The following CEP350 variants were observed in gnomAD, a reference collection of about 807,000 sequenced individuals.
CEP350 encodes the protein centrosomal protein 350.
CEP350 carries 126 observed loss-of-function variants against 331.8 expected under a neutral mutation model. The ratio of observed to expected loss-of-function variants is 0.38; its 90% CI spans 0.33 to 0.44. The LOEUF is 0.44. Ranked by LOEUF, CEP350 falls within the 20% of genes least tolerant of loss-of-function variation. The pLI is 1.00. For missense variants in CEP350, 3,406 were observed against 3,634.6 expected (o/e 0.94, Z 1.62); for synonymous variants, 1,200 against 1,259.5 (o/e 0.95, Z 1.00).
At position 180,114,462 on chromosome 1, in the gene CEP350, C is replaced by A. The variant is rs1339282906; in HGVS notation, c.*3301C>A. ...GTTGTGCAGCAATTCAATAAAATAT[C>A]TTTGTATTATAAAAATGTGAAGAAA... On this transcript the variant is annotated 3_prime_UTR_variant, in exon 38 of 38. Transcript: ENST00000367607. 6.6e-6 allele frequency: 1 copy of A among 152,548 alleles called. No homozygotes were observed. Among genetic ancestry groups the A allele is most frequent in the Non-Finnish European group, 1.5e-5 (1 of 68,018 alleles). 9.4% of individuals were successfully genotyped at this position (152,548 alleles called of 1,614,324 possible). A position where few individuals can be genotyped will look rare whatever the true frequency, so the allele number is the denominator to read the frequency against.
intron 6 of CEP350, chr1:180,000,900 A>T (rs1488326839): frequency 6.6e-6 from 1 of 152,122 alleles, no homozygotes; most frequent in Non-Finnish European, 1.5e-5. Flanking sequence ...ATGTTTATAA[A>T]TTTTTTCCCT....
intron 1 of CEP350, among the ~76,000 whole-genome samples, chr1:179,959,994 C>G (rs1650467097): frequency 1.3e-5 from 2 of 152,024 alleles, no homozygotes; most frequent in South Asian, 4.1e-4. Flanking sequence ...TTCTAAGACC[C>G]CAAACACCTC....
intron 1 of CEP350, among the ~76,000 whole-genome samples, chr1:179,974,475 G>A (rs916420124): frequency 2.0e-5 from 3 of 151,732 alleles, no homozygotes; most frequent in Non-Finnish European, 4.4e-5. Context: ...AGATGGGTAA[G>A]AAGATACAGT....
intron 22 of CEP350, among the ~76,000 whole-genome samples, chr1:180,052,582 TA>T (rs1257162263): frequency 6.6e-6 from 1 of 150,900 alleles, no homozygotes. Flanking sequence ...TTTAAAAAGA[TA>T]TTTTTACTTC....
At chr1:179,992,603 T>C (rs1653174985) in intron 5 of CEP350, among the ~76,000 whole-genome samples, 2 of 152,288 alleles carry the variant, frequency 1.3e-5, no homozygotes, top group East Asian at 1.9e-4. Flanking sequence ...CTTACTTTTT[T>C]TCTTTTTTTT....
At chr1:180,004,931 C>CTTTCTT (rs369886679) in intron 7 of CEP350, among the ~76,000 whole-genome samples, 1 of 92,472 alleles carries the variant, frequency 1.1e-5, no homozygotes, top group Non-Finnish European at 2.7e-5. Context: ...TTCTTTCTTT[C>CTTTCTT]TTTCTTTCTT....
At chr1:180,067,780 G>C (rs1658631982) in intron 27 of CEP350, among the ~76,000 whole-genome samples, 1 of 152,122 alleles carries the variant, frequency 6.6e-6, no homozygotes, top group African/African-American at 2.4e-5. Flanking sequence ...CTATTTTTTG[G>C]TCTCTGAAAC....
intron 17 of CEP350, among the ~76,000 whole-genome samples, chr1:180,037,356 A>C (rs568807892): frequency 6.6e-6 from 1 of 150,902 alleles, no homozygotes; most frequent in Admixed American, 6.6e-5. Flanking sequence ...AAAATCATCT[A>C]GTCAAACATT....
chr1:179,963,802 C>G (rs1405945670), intron 1 of CEP350, among the ~76,000 whole-genome samples: 4 of 151,804 alleles, frequency 2.6e-5, no homozygotes, highest in African/African-American at 9.6e-5. Flanking sequence ...TTTTGCTTGG[C>G]TATTCAGGCT....
intron 12 of CEP350, among the ~76,000 whole-genome samples, chr1:180,022,028 C>CTAT (rs1373099786): frequency 6.6e-6 from 1 of 152,130 alleles, no homozygotes; most frequent in Non-Finnish European, 1.5e-5. Context: ...AATTTCCCCT[C>CTAT]TATATAGTGA....
intron 27 of CEP350, chr1:180,073,972 T>G: frequency 1.6e-6 from 2 of 1,274,102 alleles, no homozygotes; most frequent in South Asian, 2.6e-5. Context: ...TTGTTTGTTT[T>G]GTTTGCTTTT....
At chr1:180,077,088 A>G (rs1009325541) in intron 28 of CEP350, among the ~76,000 whole-genome samples, 1 of 152,186 alleles carries the variant, frequency 6.6e-6, no homozygotes, top group African/African-American at 2.4e-5. Flanking sequence ...CAAAATTCTC[A>G]TTACTTACAG....
chr1:180,057,516 CTT>C (rs374155329), intron 25 of CEP350, among the ~76,000 whole-genome samples: 8 of 141,552 alleles, frequency 5.7e-5, no homozygotes, highest in African/African-American at 7.7e-5. Flanking sequence ...TGTCTGTTTT[CTT>C]TTTTTTTTTT....
intron 1 of CEP350, chr1:179,969,065 A>G: frequency 1.4e-6 from 1 of 714,140 alleles, no homozygotes; most frequent in Non-Finnish European, 2.6e-6. Flanking sequence ...CCTACCTACC[A>G]TTGCTCTGTG....
rs1048464410 is a variant in CEP350 at position 180,014,038 on chromosome 1, C to T, written c.1585C>T (p.Arg529Cys). The change falls in exon 10 of 38, where the codon CGT becomes TGT. Residue 529 changes from arginine to cysteine, a missense_variant. Arg to Cys is a radical substitution (Grantham distance 180). Transcript: ENST00000367607. Reference sequence around the variant, plus strand: ...TAAGGACTTTTTACCTATTGAAATTCGTGGCATTCTTGATGACCTACAGCT... The same window carrying T: ...TAAGGACTTTTTACCTATTGAAATTTGTGGCATTCTTGATGACCTACAGCT... ...LNKDFLPIEI[R>C]GILDDLQLDS... 21 of 1,612,790 alleles carry T rather than the reference C, an allele frequency of 1.3e-5. No homozygotes were observed. Among genetic ancestry groups the T allele is most frequent in the Middle Eastern group, 1.6e-4 (1 of 6,084 alleles).
At chr1:180,054,301 A>G (rs1338092050) in intron 24 of CEP350, 114 bp from the exon 25 acceptor site, 4 of 893,986 alleles carry the variant, frequency 4.5e-6, no homozygotes, top group Non-Finnish European at 5.3e-6. Flanking sequence ...TGCTTTTCAC[A>G]TTTGAAAATG....
chr1:180,096,314 G>A, intron 36 of CEP350, 130 bp downstream of exon 36: 1 of 961,506 alleles, frequency 1.0e-6, no homozygotes, highest in South Asian at 2.8e-5. Context: ...TTCCATAGTG[G>A]GTATTCAATA....
At chr1:180,051,010 T>C (rs1275024500) in intron 22 of CEP350, among the ~76,000 whole-genome samples, 1 of 152,132 alleles carries the variant, frequency 6.6e-6, no homozygotes, top group Non-Finnish European at 1.5e-5. Context: ...AACCATACAA[T>C]CCAGCAGTCA....
chr1:180,081,650 G>T (rs1402893641), intron 30 of CEP350, among the ~76,000 whole-genome samples: 1 of 152,180 alleles, frequency 6.6e-6, no homozygotes, highest in Non-Finnish European at 1.5e-5. Context: ...AGGACATATG[G>T]TATAGCCTCT....
Sources: allele counts gnomAD v4.1 joint callset (sites outside exome capture counted in the v4.1 genomes callset), GRCh38; gene constraint gnomAD v4.1.1; transcripts MANE v1.5; gene names NCBI Gene and HGNC (gene_info 2026-07-23, HGNC 2026-07-21).